SDK1: variants seen among roughly 807,000 people sequenced by gnomAD.
SDK1 encodes the protein protein sidekick-1.
Under a neutral mutation model 245.5 loss-of-function variants are expected in SDK1, and 157 were observed. That is an observed-to-expected ratio of 0.64 (90% CI 0.56 to 0.73). The LOEUF is 0.73. Among genes scored for constraint, SDK1 ranks in the 30% least tolerant of loss-of-function variants. SDK1 has a pLI of 0.00. For synonymous variants in SDK1, 1,647 were observed against 1,278.5 expected, an observed-to-expected ratio of 1.29 and a Z score of -6.15; for missense variants, 3,583 against 3,002.3, an observed-to-expected ratio of 1.19 and a Z score of -4.52.
chr7:4,115,166 G>A (rs552540716), intron 25 of SDK1, among the ~76,000 whole-genome samples: 22 of 152,312 alleles, frequency 1.4e-4, no homozygotes, highest in African/African-American at 2.6e-4. Context: ...ACCTGACCCC[G>A]GTCCCTTCAG....
intron 32 of SDK1, among the ~76,000 whole-genome samples, chr7:4,165,166 C>G (rs894475878): frequency 1.7e-4 from 26 of 152,022 alleles, no homozygotes; most frequent in African/African-American, 5.6e-4. Flanking sequence ...CAAGACCAGC[C>G]TGGCCAACAT....
chr7:3,712,692 A>G (rs1253581224), intron 4 of SDK1, among the ~76,000 whole-genome samples: 1 of 152,214 alleles, frequency 6.6e-6, no homozygotes, highest in East Asian at 1.9e-4. Flanking sequence ...GCATATGAAC[A>G]GACATTTACT....
At chr7:4,262,006 C>G (rs1788046761) in intron 44 of SDK1, among the ~76,000 whole-genome samples, 2 of 146,612 alleles carry the variant, frequency 1.4e-5, no homozygotes, top group Admixed American at 1.4e-4. Context: ...CAATTTCACC[C>G]TCTGCTTTCT....
intron 1 of SDK1, among the ~76,000 whole-genome samples, chr7:3,444,743 A>G (rs927117528): frequency 1.4e-4 from 21 of 152,182 alleles, no homozygotes; most frequent in African/African-American, 5.1e-4. Flanking sequence ...AAATTGGGTG[A>G]CCAACTTGGC....
intron 5 of SDK1, among the ~76,000 whole-genome samples, chr7:3,922,867 C>T (rs1370576474): frequency 2.0e-5 from 3 of 152,182 alleles, no homozygotes. Flanking sequence ...AGTGTATTCA[C>T]CTTCTGGAAT....
chr7:3,301,523 G>A lies in SDK1; in HGVS notation c.-64G>A. ...CGCGGAGTGGCCGCGCCCGCTCGGAGCCGTCCCGCCTGTCCTGCCCGCCCG... is the reference window on the plus strand; with the variant it reads ...CGCGGAGTGGCCGCGCCCGCTCGGAACCGTCCCGCCTGTCCTGCCCGCCCG... On this transcript the variant is annotated 5_prime_UTR_variant, in exon 1 of 45. Coordinates refer to ENST00000404826, the MANE Select transcript of SDK1 (RefSeq NM_152744.4). 1.2e-5 allele frequency: 7 copies of A among 582,130 alleles called. No individual in the cohort carries two copies. Among genetic ancestry groups the A allele is most frequent in the Non-Finnish European group, 1.5e-5 (7 of 465,324 alleles). The allele number at this position is 582,130 out of a possible 1,614,324, so 36.1% of individuals were successfully genotyped here. A position where few individuals can be genotyped will look rare whatever the true frequency, so the allele number is the denominator to read the frequency against.
At chr7:3,554,687 A>C (rs1779526150) in intron 1 of SDK1, among the ~76,000 whole-genome samples, 1 of 152,214 alleles carries the variant, frequency 6.6e-6, no homozygotes, top group African/African-American at 2.4e-5. Flanking sequence ...TCAATCACCT[A>C]GGCCACCTTT....
intron 1 of SDK1, among the ~76,000 whole-genome samples, chr7:3,556,914 C>A (rs1562561029): frequency 2.0e-5 from 3 of 152,118 alleles, no homozygotes; most frequent in African/African-American, 2.4e-5. Flanking sequence ...GTGATTATTA[C>A]ACATTGTATG....
At chr7:4,025,866 C>A (rs901434850) in intron 17 of SDK1, among the ~76,000 whole-genome samples, 1 of 152,174 alleles carries the variant, frequency 6.6e-6, no homozygotes, top group Non-Finnish European at 1.5e-5. Flanking sequence ...TGAGTTAGGC[C>A]TTCCTGTCTT....
chr7:3,886,318 G>C (rs1233154951), intron 5 of SDK1, among the ~76,000 whole-genome samples: 1 of 152,228 alleles, frequency 6.6e-6, no homozygotes, highest in South Asian at 2.1e-4. Flanking sequence ...TAGGCAAAGA[G>C]ATAGAGATGC....
chr7:3,378,882 T>G (rs954982087), intron 1 of SDK1, among the ~76,000 whole-genome samples: 2 of 151,962 alleles, frequency 1.3e-5, no homozygotes, highest in Non-Finnish European at 2.9e-5. Context: ...GTCTTCCTTG[T>G]TAGGACCTCT....
At chr7:3,546,248 A>ATG (rs1414613998) in intron 1 of SDK1, among the ~76,000 whole-genome samples, 1 of 152,128 alleles carries the variant, frequency 6.6e-6, no homozygotes, top group Non-Finnish European at 1.5e-5. Context: ...GTAACGAACA[A>ATG]TGATGTACAG....
At chr7:4,200,113 G>T (rs1783804911) in intron 35 of SDK1, among the ~76,000 whole-genome samples, 1 of 152,030 alleles carries the variant, frequency 6.6e-6, no homozygotes, top group Non-Finnish European at 1.5e-5. Context: ...ACAAAAAAAG[G>T]CCAGGAGCAT....
intron 1 of SDK1, among the ~76,000 whole-genome samples, chr7:3,492,904 G>T (rs1781906856): frequency 6.6e-6 from 1 of 152,136 alleles, no homozygotes; most frequent in Non-Finnish European, 1.5e-5. Context: ...CATGTAATAA[G>T]TAGCTTATGC....
At chr7:3,776,242 A>G (rs776670047) in intron 4 of SDK1, among the ~76,000 whole-genome samples, 3 of 152,246 alleles carry the variant, frequency 2.0e-5, no homozygotes, top group African/African-American at 7.2e-5. Flanking sequence ...GTAAGCAGAC[A>G]TTGTCAATTT....
chr7:3,666,425 A>G (rs1471662808), intron 4 of SDK1, among the ~76,000 whole-genome samples: 1 of 152,196 alleles, frequency 6.6e-6, no homozygotes, highest in East Asian at 1.9e-4. Context: ...ATTTTATCTT[A>G]CATTTCAGAT....
chr7:3,570,041 C>T (rs192877388), intron 1 of SDK1, among the ~76,000 whole-genome samples: 300 of 152,300 alleles, frequency 2.0e-3, no homozygotes, highest in Admixed American at 3.1e-3. Context: ...ACACCAGCTC[C>T]ATCATTTGAG....
chr7:4,101,812 GC>G (rs1045542808), intron 22 of SDK1, among the ~76,000 whole-genome samples: 2 of 152,084 alleles, frequency 1.3e-5, no homozygotes, highest in Non-Finnish European at 2.9e-5. Flanking sequence ...GACAGGAAGG[GC>G]CCTAGGAAGG....
chr7:3,553,384 C>G (rs1168533735), intron 1 of SDK1, among the ~76,000 whole-genome samples: 1 of 152,076 alleles, frequency 6.6e-6, no homozygotes, highest in African/African-American at 2.4e-5. Context: ...CAACTAAATA[C>G]AATGATAGAC....
Sources: allele counts gnomAD v4.1 joint callset (sites outside exome capture counted in the v4.1 genomes callset), GRCh38; gene constraint gnomAD v4.1.1; transcripts MANE v1.5; gene names NCBI Gene and HGNC (gene_info 2026-07-23, HGNC 2026-07-21).